FER1L6: variants seen among roughly 807,000 people sequenced by gnomAD.
FER1L6 encodes the protein fer-1 like family member 6.
Under a neutral mutation model 219.2 loss-of-function variants are expected in FER1L6, and 177 were observed. The observed-to-expected ratio is 0.81, with a 90% CI of 0.71 to 0.91. The LOEUF (loss-of-function observed/expected upper bound fraction) is 0.91. Ranked by LOEUF, FER1L6 falls within the 40% of genes least tolerant of loss-of-function variation. FER1L6 has a pLI of 0.00. For missense variants in FER1L6, 2,153 were observed against 2,259.9 expected, an observed-to-expected ratio of 0.95 and a Z score of 0.96; for synonymous variants, 768 against 824.3, an observed-to-expected ratio of 0.93 and a Z score of 1.17.
Position 123,885,969 on chromosome 8 carries a change from A to G in FER1L6, c.-8+33784A>G, listed in dbSNP as rs185593973. Among the ~76,000 whole-genome samples the G allele has an allele frequency of 6.0e-4, 91 of 152,220 alleles. 1 individual carries two copies. The East Asian group carries it at 0.016, about 26-fold the overall frequency. On this transcript the variant is annotated intron_variant, in intron 1 of 40. Transcript: ENST00000522917. ...TTTTCTCACTTCTGGGACTCTGTGC[A>G]TTTTGTTCCTCTGCCTCAGAGGCTC...
Position 123,980,514 on chromosome 8 carries a change from C to T in FER1L6, c.1113C>T (p.Pro371=). Residue 371 remains proline, a synonymous_variant, in exon 11 of 41, where the codon CCC becomes CCT. Coordinates refer to ENST00000522917, the MANE Select transcript of FER1L6 (RefSeq NM_001039112.2). Reference sequence around the variant, plus strand: ...CCTGGATTAACCTGTATGGCTCGCCCAGGAACCACAGTCTGATGGATGACT... The same window carrying T: ...CCTGGATTAACCTGTATGGCTCGCCTAGGAACCACAGTCTGATGGATGACT... ...GPAWINLYGS[P]RNHSLMDDYQ... 3.1e-6 allele frequency: 5 copies of T among 1,614,100 alleles called. No homozygotes were observed. Among genetic ancestry groups the T allele is most frequent in the Non-Finnish European group, 3.4e-6 (4 of 1,179,990 alleles).
rs1816531081 is a variant in FER1L6, at chr8:123,852,512, G to T, written c.-8+327G>T. 1.4e-5 allele frequency among the ~76,000 whole-genome samples: 2 copies of T among 141,506 alleles called. No homozygotes were observed. Among genetic ancestry groups the T allele is most frequent in the Non-Finnish European group, 3.1e-5 (2 of 64,470 alleles). 92.8% of individuals were successfully genotyped at this position (141,506 alleles called of 152,430 possible). A position where few individuals can be genotyped will look rare whatever the true frequency, so the allele number is the denominator to read the frequency against. Reference sequence around the variant, plus strand: ...TGTGTGTGTGTGTGTGTGTGTGTGTGTTTGACAGAGACAGAGGGAGGAGAA... The same window carrying T: ...TGTGTGTGTGTGTGTGTGTGTGTGTTTTTGACAGAGACAGAGGGAGGAGAA... On this transcript the variant is annotated intron_variant, in intron 1 of 40. Coordinates refer to ENST00000522917, the MANE Select transcript of FER1L6 (RefSeq NM_001039112.2). This position sits in a 1 kb window ranked among gnomAD's most constrained non-coding sequence, Gnocchi z 4.9.
intron 1 of FER1L6, among the ~76,000 whole-genome samples, chr8:123,881,001 T>C (rs1211041563): frequency 2.0e-5 from 3 of 152,172 alleles, no homozygotes; most frequent in Non-Finnish European, 4.4e-5. Flanking sequence ...ACCCTTCCCC[T>C]TGGGAAAGAT....
intron 1 of FER1L6, among the ~76,000 whole-genome samples, chr8:123,871,674 T>G (rs1816926158): frequency 6.6e-6 from 1 of 152,160 alleles, no homozygotes; most frequent in Non-Finnish European, 1.5e-5. Context: ...TATAGATACC[T>G]CAAGGAGGTA....
At chr8:123,883,706 G>C (rs1351439055) in intron 1 of FER1L6, among the ~76,000 whole-genome samples, 1 of 152,164 alleles carries the variant, frequency 6.6e-6, no homozygotes, top group Non-Finnish European at 1.5e-5. Context: ...TGTCTGGTGA[G>C]GGTTCAGTCT....
intron 13 of FER1L6, among the ~76,000 whole-genome samples, chr8:124,008,689 T>C (rs1037227156): frequency 2.6e-5 from 4 of 151,952 alleles, no homozygotes; most frequent in African/African-American, 9.7e-5. Flanking sequence ...GCAGAGTAAA[T>C]AGACAACCCA....
At chr8:124,100,629 G>A (rs886910383) in intron 37 of FER1L6, among the ~76,000 whole-genome samples, 1 of 152,088 alleles carries the variant, frequency 6.6e-6, no homozygotes, top group Admixed American at 6.5e-5. Flanking sequence ...GATGGCATAG[G>A]TCTGACAACC....
chr8:124,094,759 T>C (rs1398738563), intron 34 of FER1L6, 137 bp from the exon 35 acceptor site: 1 of 956,414 alleles, frequency 1.0e-6, no homozygotes, highest in African/African-American at 1.6e-5. Context: ...AGTGCTGGGA[T>C]TACAGGTGTG....
intron 4 of FER1L6, 45 bp downstream of exon 4, chr8:123,966,106 G>A (rs757136694): frequency 1.2e-6 from 2 of 1,613,734 alleles, no homozygotes; most frequent in Non-Finnish European, 1.7e-6. Context: ...AGTGCTTCCT[G>A]TGTGCATGGA....
chr8:124,039,984 T>G lies in FER1L6; in HGVS notation c.2567T>G (p.Leu856Arg). 1.2e-6 allele frequency: 2 copies of G among 1,614,156 alleles called. No homozygotes were observed. Among genetic ancestry groups the G allele is most frequent in the Non-Finnish European group, 1.7e-6 (2 of 1,179,988 alleles). The change falls in exon 20 of 41, where the codon CTT becomes CGT. Residue 856 changes from leucine (L) to arginine (R), a missense_variant. Physicochemically the swap from Leu to Arg is moderately radical, Grantham distance 102 (BLOSUM62 -2). Transcript: ENST00000522917. ...LSDPFAKVTF[L>R]SHCQTTKIIS... ...GACCCTTTTGCCAAAGTCACGTTCC[T>G]TTCTCACTGCCAGACAACAAAGGTA...
chr8:123,997,142 C>A (rs1817170073), intron 12 of FER1L6, among the ~76,000 whole-genome samples: 1 of 152,122 alleles, frequency 6.6e-6, no homozygotes, highest in Admixed American at 6.5e-5. Context: ...TCATTAACAT[C>A]TTTTTCTTTC....
At chr8:123,964,886 A>T (rs1364577166) in intron 3 of FER1L6, among the ~76,000 whole-genome samples, 1 of 152,096 alleles carries the variant, frequency 6.6e-6, no homozygotes, top group Non-Finnish European at 1.5e-5. Flanking sequence ...ACACTTGCCT[A>T]CTAGTTCTTT....
At chr8:124,092,095 T>C (rs1822062095) in intron 34 of FER1L6, among the ~76,000 whole-genome samples, 1 of 152,212 alleles carries the variant, frequency 6.6e-6, no homozygotes, top group African/African-American at 2.4e-5. Flanking sequence ...GCATATTTTC[T>C]TGCACTTGTC....
At chr8:124,113,656 T>C (rs191068667) in intron 39 of FER1L6, among the ~76,000 whole-genome samples, 3 of 152,350 alleles carry the variant, frequency 2.0e-5, no homozygotes, top group South Asian at 4.1e-4. Context: ...CTTTGGTCTA[T>C]GTTAAAACAA....
rs1554632087 is a variant in FER1L6, at chr8:124,015,607, A to ATATATGTATGTATG, written c.1923-2016_1923-2015insGTATGTATGTATAT. Among the ~76,000 whole-genome samples the ATATATGTATGTATG allele has an allele frequency of 2.5e-3, 223 of 88,592 alleles. 5 individuals carry two copies. The highest frequency in any genetic ancestry group is 9.0e-3 in the African/African-American group (210 of 23,248). The allele number at this position is 88,592 out of a possible 152,430, so 58.1% of individuals were successfully genotyped here. On this transcript the variant is annotated intron_variant, in intron 15 of 40. Coordinates refer to ENST00000522917, the MANE Select transcript of FER1L6 (RefSeq NM_001039112.2). ...TATATATATATATATATATATATAT[A>ATATATGTATGTATG]TATATATATTACTCCTGCTGTGAGC... is the stretch of plus-strand genomic sequence containing the variant.
At chr8:123,987,130 C>T (rs2130381113) in intron 12 of FER1L6, among the ~76,000 whole-genome samples, 1 of 152,322 alleles carries the variant, frequency 6.6e-6, no homozygotes, top group South Asian at 2.1e-4. Context: ...TTTGCATTCC[C>T]ATCAACAGTG....
At chr8:123,894,248 C>T (rs917781150) in intron 1 of FER1L6, among the ~76,000 whole-genome samples, 9 of 152,198 alleles carry the variant, frequency 5.9e-5, no homozygotes, top group African/African-American at 2.2e-4. Flanking sequence ...TGATTGCTTC[C>T]TTACCCTTTC....
At chr8:124,002,731 T>G (rs1329240106) in intron 12 of FER1L6, among the ~76,000 whole-genome samples, 1 of 125,360 alleles carries the variant, frequency 8.0e-6, no homozygotes, top group African/African-American at 3.0e-5. Context: ...AGACAAGAAG[T>G]CTTCTCTTAC....
At chr8:124,021,127 C>A (rs1818436692) in intron 16 of FER1L6, among the ~76,000 whole-genome samples, 1 of 152,140 alleles carries the variant, frequency 6.6e-6, no homozygotes, top group South Asian at 2.1e-4. Context: ...ACCTTACTCA[C>A]TATCACGAGA....
Sources: gnomAD v4.1 joint callset for allele counts (sites outside exome capture counted in the v4.1 genomes callset) on GRCh38, gnomAD v4.1.1 for gene constraint, Gnocchi (gnomAD v3.1) non-coding constraint, MANE v1.5 for transcripts, NCBI Gene and HGNC (gene_info 2026-07-23, HGNC 2026-07-21) for gene names.